The following ADGRG7 variants were observed in gnomAD, a reference collection of about 807,000 sequenced individuals.
ADGRG7 encodes G-protein coupled receptor 128.
A neutral mutation model predicts 88.6 loss-of-function variants in ADGRG7; 82 were observed. The observed-to-expected ratio is 0.93, with a 90% CI of 0.77 to 1.11. The LOEUF (loss-of-function observed/expected upper bound fraction) is 1.11. ADGRG7 is among the 50% of genes most tolerant of loss of function. The pLI is 0.00. For synonymous variants in ADGRG7, 381 were observed against 345.2 expected (o/e 1.10, Z -1.15); for missense variants, 945 against 953.4 (o/e 0.99, Z 0.12).
chr3:100,660,393 T>A (rs1465220252), intron 14 of ADGRG7, among the ~76,000 whole-genome samples: 1 of 152,128 alleles, frequency 6.6e-6, no homozygotes, highest in Non-Finnish European at 1.5e-5. Context: ...CAGCCTCGAC[T>A]TCCTGGACTC....
chr3:100,616,026 A>T (rs543604177), intron 1 of ADGRG7, among the ~76,000 whole-genome samples: 1 of 152,200 alleles, frequency 6.6e-6, no homozygotes, highest in Non-Finnish European at 1.5e-5. Context: ...AGTCACTACC[A>T]GTAATTGAAA....
chr3:100,659,905 C>G, intron 14 of ADGRG7, 62 bp downstream of exon 14: 1 of 1,460,850 alleles, frequency 6.8e-7, no homozygotes, highest in Non-Finnish European at 9.4e-7. Flanking sequence ...AACGCAGCAC[C>G]ATAACACATC....
chr3:100,635,410 A>C (rs1380327722), intron 4 of ADGRG7: 1 of 412,180 alleles, frequency 2.4e-6, no homozygotes, highest in Non-Finnish European at 3.9e-6. Context: ...GCGCTGGCCC[A>C]TGGATACACT....
chr3:100,669,381 G>C lies in ADGRG7; in HGVS notation c.2136+276G>C, dbSNP rs1442474817. Among the ~76,000 whole-genome samples, 3 of 151,598 alleles carry C rather than the reference G, an allele frequency of 2.0e-5. No individual in the cohort carries two copies. The East Asian group carries it at 5.9e-4, about 30-fold the overall frequency. ...GCGGGCGCCTGTAGTCCCAGCTAGG[G>C]AGTAGTCTCCTGTAGTCTCCTCCTA... On this transcript the variant is annotated intron_variant, in intron 15 of 15. Coordinates refer to ENST00000273352, the MANE Select transcript of ADGRG7 (RefSeq NM_032787.3).
In ADGRG7 at chr3:100,659,668, AT is replaced by A. The variant is rs561068825; in HGVS notation, c.1824-10del. 8,109 of 1,506,438 alleles carry A rather than the reference AT, an allele frequency of 5.4e-3. 34 individuals carry two copies. The highest frequency in any genetic ancestry group is 6.0e-3 in the Non-Finnish European group (6,583 of 1,104,808). 93.3% of individuals were successfully genotyped at this position (1,506,438 alleles called of 1,614,324 possible). A position where few individuals can be genotyped will look rare whatever the true frequency, so the allele number is the denominator to read the frequency against. On this transcript the variant is annotated intron_variant, in intron 13 of 15. Coordinates refer to ENST00000273352, the MANE Select transcript of ADGRG7 (RefSeq NM_032787.3). ...ATACCTTTCTTAGTCTGCTGAAGCA[AT>A]TTTTTTTTTCCTCCACAGCTGCTGG...
At position 100,694,843 on chromosome 3, in the gene ADGRG7, T is replaced by C. The variant is rs2094999532; in HGVS notation, c.2236T>C (p.Ser746Pro). Residue 746 changes from serine to proline, a missense_variant, in exon 16 of 16, where the codon TCA (serine) becomes CCA (proline). Physicochemically the swap from Ser to Pro is moderately conservative, Grantham distance 74 (BLOSUM62 -1). Coordinates refer to ENST00000273352, the MANE Select transcript of ADGRG7 (RefSeq NM_032787.3). Reference protein sequence around the residue: ...MLLSSIGRRKSLPSVTRPRLR... With the variant: ...MLLSSIGRRKPLPSVTRPRLR... ...GCTATCGTCTATTGGGAGAAGGAAGTCATTGCCTTCAGTGACGCGGCCGAG... is the reference window on the plus strand; with the variant it reads ...GCTATCGTCTATTGGGAGAAGGAAGCCATTGCCTTCAGTGACGCGGCCGAG... 1 of 1,614,186 alleles carries C rather than the reference T, an allele frequency of 6.2e-7. No homozygotes were observed. The highest frequency in any genetic ancestry group is 1.3e-5 in the African/African-American group (1 of 75,046).
Position 100,621,683 on chromosome 3 carries a change from A to T in ADGRG7, c.116-7915A>T, listed in dbSNP as rs1425928795. ...GTGCAAAGGAAAGCAGCAAGTGCTG[A>T]TGTAGAAGCTGCCGCAAGTTTTTCA... is the stretch of plus-strand genomic sequence containing the variant. On this transcript the variant is annotated intron_variant, in intron 1 of 15. Transcript: ENST00000273352. 3.3e-5 allele frequency among the ~76,000 whole-genome samples: 5 copies of T among 152,242 alleles called. No individual in the cohort carries two copies. The South Asian group carries it at 8.3e-4, about 25-fold the overall frequency.
chr3:100,610,821 A>T (rs1707136577), intron 1 of ADGRG7, among the ~76,000 whole-genome samples: 2 of 152,230 alleles, frequency 1.3e-5, no homozygotes, highest in Admixed American at 1.3e-4. Flanking sequence ...CGGGAAAGGC[A>T]GCAGGAGAGG....
In ADGRG7 at chr3:100,689,514, G is replaced by A. The variant is rs182950436; in HGVS notation, c.2137-5230G>A. Among the ~76,000 whole-genome samples the A allele has an allele frequency of 6.5e-3, 984 of 152,234 alleles. 14 individuals are homozygous for A. The highest frequency in any genetic ancestry group is 0.022 in the African/African-American group (928 of 41,554). ...GCATGTTTTTGCAGTGGCTGGTACCGGTTATTCCTTTCCATATTTAGTGCT... is the reference window on the plus strand; with the variant it reads ...GCATGTTTTTGCAGTGGCTGGTACCAGTTATTCCTTTCCATATTTAGTGCT... On this transcript the variant is annotated intron_variant, in intron 15 of 15. Transcript: ENST00000273352.
intron 6 of ADGRG7, among the ~76,000 whole-genome samples, chr3:100,640,086 T>C (rs997749670): frequency 2.8e-4 from 42 of 152,224 alleles, no homozygotes; most frequent in African/African-American, 8.0e-4. Context: ...AGCTTCCTCC[T>C]CTGCTTCTAG....
intron 15 of ADGRG7, among the ~76,000 whole-genome samples, chr3:100,677,698 A>G (rs1251109095): frequency 1.3e-5 from 2 of 152,086 alleles, no homozygotes; most frequent in Non-Finnish European, 2.9e-5. Context: ...CAGATATGCT[A>G]TTTTAGGCTA....
intron 10 of ADGRG7, among the ~76,000 whole-genome samples, chr3:100,648,473 T>C (rs1472792579): frequency 6.6e-6 from 1 of 152,206 alleles, no homozygotes; most frequent in Non-Finnish European, 1.5e-5. Context: ...TTTTATTTTA[T>C]TTCTATAAAA....
intron 4 of ADGRG7, among the ~76,000 whole-genome samples, chr3:100,633,878 G>T (rs932331165): frequency 3.9e-5 from 6 of 152,096 alleles, no homozygotes; most frequent in African/African-American, 1.2e-4. Context: ...AAGGACTGTT[G>T]TTTCATCAAA....
intron 1 of ADGRG7, among the ~76,000 whole-genome samples, chr3:100,624,980 G>A (rs1331872138): frequency 6.6e-5 from 10 of 152,122 alleles, no homozygotes; most frequent in African/African-American, 2.4e-4. Flanking sequence ...GATGCCTCCA[G>A]CTTTGTTCTT....
At chr3:100,651,634 A>C (rs1459760680) in intron 11 of ADGRG7, among the ~76,000 whole-genome samples, 1 of 152,218 alleles carries the variant, frequency 6.6e-6, no homozygotes, top group Non-Finnish European at 1.5e-5. Context: ...GCTTGAGCCC[A>C]GGAGTTTGAG....
At chr3:100,656,266 A>C (rs1334866295) in intron 13 of ADGRG7, among the ~76,000 whole-genome samples, 1 of 152,188 alleles carries the variant, frequency 6.6e-6, no homozygotes, top group Non-Finnish European at 1.5e-5. Context: ...ATTAAATCTG[A>C]AAATCATGAT....
chr3:100,641,021 T>C (rs1016811288), intron 6 of ADGRG7, among the ~76,000 whole-genome samples: 7 of 152,188 alleles, frequency 4.6e-5, no homozygotes, highest in African/African-American at 1.4e-4. Flanking sequence ...CACTCAAATA[T>C]CTTGAACAAA....
intron 15 of ADGRG7, among the ~76,000 whole-genome samples, chr3:100,692,034 G>A (rs2094994818): frequency 6.6e-6 from 1 of 152,210 alleles, no homozygotes; most frequent in Admixed American, 6.5e-5. Flanking sequence ...TAACTACAGT[G>A]TGAAGCTGGT....
chr3:100,657,568 T>C (rs1297989975), intron 13 of ADGRG7, among the ~76,000 whole-genome samples: 1 of 152,162 alleles, frequency 6.6e-6, no homozygotes, highest in East Asian at 1.9e-4. Context: ...ACATGGGGAA[T>C]TATAATTGGG....
Sources: allele counts gnomAD v4.1 joint callset (sites outside exome capture counted in the v4.1 genomes callset), GRCh38; gene constraint gnomAD v4.1.1; transcripts MANE v1.5; gene names NCBI Gene and HGNC (gene_info 2026-07-23, HGNC 2026-07-21).